GLYATL2: variants seen among roughly 807,000 people sequenced by gnomAD.
The protein encoded by GLYATL2 is glycine N-acyltransferase-like protein 2.
In GLYATL2, 25 loss-of-function variants were observed where a neutral mutation model predicts 21.4. That is an observed-to-expected ratio of 1.17 (90% confidence interval 0.85 to 1.63). GLYATL2 has a LOEUF of 1.63. Among genes scored for constraint, GLYATL2 ranks in the 40% most tolerant of loss-of-function variants. GLYATL2 has a pLI of 0.00. For synonymous variants in GLYATL2, 114 were observed against 118.2 expected, an observed-to-expected ratio of 0.96 and a Z score of 0.23; for missense variants, 361 against 343.3, an observed-to-expected ratio of 1.05 and a Z score of -0.41.
At chr11:58,899,492 G>T (rs1180513972) in intron 1 of GLYATL2, among the ~76,000 whole-genome samples, 2 of 152,186 alleles carry the variant, frequency 1.3e-5, no homozygotes, top group African/African-American at 2.4e-5. Context: ...GACGACAGAA[G>T]ATGATGGAGG....
At chr11:58,865,222 T>G (rs2134598106) in intron 1 of GLYATL2, among the ~76,000 whole-genome samples, 1 of 149,154 alleles carries the variant, frequency 6.7e-6, no homozygotes, top group African/African-American at 2.4e-5. Flanking sequence ...GTGACTTGTA[T>G]TTCAGATTTC....
chr11:58,878,360 T>G, intron 1 of GLYATL2: 1 of 657,426 alleles, frequency 1.5e-6, no homozygotes, highest in Non-Finnish European at 2.2e-6. Context: ...CATTGATCTC[T>G]CAGAGTGGCT....
intron 1 of GLYATL2, among the ~76,000 whole-genome samples, chr11:58,867,197 A>T (rs922835532): frequency 6.7e-6 from 1 of 149,048 alleles, no homozygotes; most frequent in Non-Finnish European, 1.5e-5. Flanking sequence ...ACATAAAGAT[A>T]GGCCAACACA....
intron 1 of GLYATL2, among the ~76,000 whole-genome samples, chr11:58,888,628 A>G (rs1199106786): frequency 6.6e-6 from 1 of 151,556 alleles, no homozygotes; most frequent in Non-Finnish European, 1.5e-5. Context: ...TTTTGTATCT[A>G]TTTCTGTATT....
At chr11:58,883,493 TACACCCTC>T (rs1166564962) in intron 1 of GLYATL2, among the ~76,000 whole-genome samples, 1 of 152,094 alleles carries the variant, frequency 6.6e-6, no homozygotes, top group African/African-American at 2.4e-5. Flanking sequence ...CCTGGACACA[TACACCCTC>T]CCAAGACTAA....
chr11:58,839,102 A>C (rs571847776), intron 2 of GLYATL2, among the ~76,000 whole-genome samples: 67 of 152,308 alleles, frequency 4.4e-4, no homozygotes, highest in African/African-American at 1.6e-3. Flanking sequence ...GTTGAGAGGC[A>C]AAATAAAAAA....
intron 1 of GLYATL2, among the ~76,000 whole-genome samples, chr11:58,869,484 C>T (rs913231792): frequency 1.3e-5 from 2 of 152,088 alleles, no homozygotes; most frequent in Admixed American, 6.6e-5. Flanking sequence ...CACTGGTTTA[C>T]CTATCAAGGC....
At chr11:58,893,164 A>G (rs868514408) in intron 1 of GLYATL2, 1 of 379,686 alleles carries the variant, frequency 2.6e-6, no homozygotes, top group Middle Eastern at 3.6e-4. Context: ...CATAGGAGCC[A>G]TGCCAGCAGC....
chr11:58,844,819 T>G (rs142998870), upstream of GLYATL2: 1 of 152,354 alleles, frequency 6.6e-6, no homozygotes, highest in African/African-American at 2.4e-5. Flanking sequence ...AGCTGCAGCC[T>G]TATTTAAATG....
intron 1 of GLYATL2, among the ~76,000 whole-genome samples, chr11:58,863,497 C>A (rs1021846463): frequency 6.6e-6 from 1 of 152,164 alleles, no homozygotes; most frequent in Non-Finnish European, 1.5e-5. Context: ...CTGAACTCAG[C>A]CTGTATGCTG....
chr11:58,904,450 C>G (rs550202994), upstream of GLYATL2, among the ~76,000 whole-genome samples: 4 of 152,318 alleles, frequency 2.6e-5, 1 homozygote, highest in African/African-American at 9.6e-5. Flanking sequence ...AATTCTCTAT[C>G]TCCAGTGATG....
rs199844040 is a variant in GLYATL2, at chr11:58,834,572, A to G, written c.742T>C (p.Tyr248His). The G allele has an allele frequency of 1.2e-5, 19 of 1,614,020 alleles. No individual in the cohort carries two copies. The Admixed American group carries it at 2.5e-4, about 21-fold the overall frequency. ...AATGGGATTTCTTTCTGAGAAAGAT[A>G]CTTTTCAAGATGATAACCAATTTGC... The part of the protein sequence containing the change: ...MLQIGYHLEK[Y>H]LSQKEIPFYF... Residue 248 changes from tyrosine (Y) to histidine (H), a missense_variant, in exon 6 of 6, where the codon TAT (tyrosine) becomes CAT (histidine). By Grantham distance (83) the Tyr-to-His change is moderately conservative. Transcript: ENST00000287275.
Position 58,834,340 on chromosome 11 carries a change from C to T in GLYATL2, c.*89G>A. 3 of 1,035,212 alleles carry T rather than the reference C, an allele frequency of 2.9e-6. No homozygotes were observed. Among genetic ancestry groups the T allele is most frequent in the Non-Finnish European group, 4.2e-6 (3 of 715,760 alleles). The allele number at this position is 1,035,212 out of a possible 1,614,324, so 64.1% of individuals were successfully genotyped here. On this transcript the variant is annotated 3_prime_UTR_variant, in exon 6 of 6. Transcript: ENST00000287275. ...TACACAGATCCTAGATAATCAGTTG[C>T]ATTTTGTGCTAATGTAGATCACAAT...
intron 1 of GLYATL2, among the ~76,000 whole-genome samples, chr11:58,869,204 G>A (rs1342830241): frequency 1.3e-5 from 2 of 152,346 alleles, no homozygotes; most frequent in South Asian, 4.1e-4. Flanking sequence ...GCATGTGTCT[G>A]ATATAGTCAC....
intron 1 of GLYATL2, chr11:58,892,696 A>C: frequency 2.8e-6 from 1 of 356,812 alleles, no homozygotes; most frequent in East Asian, 5.5e-5. Flanking sequence ...GGATAAGAGC[A>C]GCTGCATTTT....
intron 1 of GLYATL2, among the ~76,000 whole-genome samples, chr11:58,856,451 CTGTT>C (rs1362701490): frequency 3.9e-5 from 6 of 152,326 alleles, no homozygotes; most frequent in Admixed American, 6.5e-5. Flanking sequence ...ACTTGGCTAA[CTGTT>C]TGGTGCAAAA....
At chr11:58,851,340 G>T (rs1202880827) in intron 1 of GLYATL2, among the ~76,000 whole-genome samples, 1 of 152,180 alleles carries the variant, frequency 6.6e-6, no homozygotes, top group Admixed American at 6.5e-5. Context: ...CATCCATTGA[G>T]ATGATTATAT....
chr11:58,879,023 T>C (rs1953788585), intron 1 of GLYATL2, among the ~76,000 whole-genome samples: 1 of 152,142 alleles, frequency 6.6e-6, no homozygotes, highest in African/African-American at 2.4e-5. Flanking sequence ...GGATTAGGCA[T>C]GTAAACAATC....
intron 1 of GLYATL2, among the ~76,000 whole-genome samples, chr11:58,871,092 A>G (rs1389236932): frequency 6.6e-6 from 1 of 152,188 alleles, no homozygotes; most frequent in African/African-American, 2.4e-5. Context: ...GTGAAGCAGG[A>G]TGGGTGGAGA....
Sources: allele counts gnomAD v4.1 joint callset (sites outside exome capture counted in the v4.1 genomes callset), GRCh38; gene constraint gnomAD v4.1.1; transcripts MANE v1.5; gene names NCBI Gene and HGNC (gene_info 2026-07-23, HGNC 2026-07-21).